The following RNF150 variants were observed in gnomAD, a reference collection of about 807,000 sequenced individuals.
The protein encoded by RNF150 is ring finger protein 150.
A neutral mutation model predicts 39.3 loss-of-function variants in RNF150; 24 were observed. The observed-to-expected ratio is 0.61, with a 90% CI of 0.44 to 0.86. The LOEUF (loss-of-function observed/expected upper bound fraction) is 0.86, where lower values mean the gene tolerates loss of function less well. Ranked by LOEUF, RNF150 falls within the 40% of genes least tolerant of loss-of-function variation. The pLI, the probability that RNF150 is intolerant of heterozygous loss-of-function variation, is 0.00. For synonymous variants in RNF150, 255 were observed against 227.3 expected (o/e 1.12, Z -1.10); for missense variants, 502 against 587.8 (o/e 0.85, Z 1.51).
At chr4:141,192,462 T>A (rs1728126296) in intron 1 of RNF150, among the ~76,000 whole-genome samples, 2 of 152,180 alleles carry the variant, frequency 1.3e-5, no homozygotes, top group South Asian at 4.1e-4. Context: ...TATATAATGC[T>A]AATTTGTGGT....
At chr4:140,868,435 C>T (rs1165840888) in intron 6 of RNF150, 56 bp from the exon 7 acceptor site, 5 of 934,806 alleles carry the variant, frequency 5.3e-6, no homozygotes. Flanking sequence ...TTGCATGCTG[C>T]TTATTTCAGT....
chr4:141,116,908 G>A (rs190307200), intron 1 of RNF150, among the ~76,000 whole-genome samples: 14 of 151,976 alleles, frequency 9.2e-5, no homozygotes, highest in South Asian at 4.2e-4. Context: ...ACCAAACATC[G>A]CATGTTCTTA....
At chr4:141,069,970 T>C (rs907053611) in intron 1 of RNF150, among the ~76,000 whole-genome samples, 52 of 152,276 alleles carry the variant, frequency 3.4e-4, no homozygotes, top group African/African-American at 1.2e-3. Context: ...TTAGTCTTGC[T>C]AGCGGTCTAT....
At chr4:141,069,590 G>A (rs1452497380) in intron 1 of RNF150, among the ~76,000 whole-genome samples, 1 of 150,382 alleles carries the variant, frequency 6.6e-6, no homozygotes, top group Non-Finnish European at 1.5e-5. Context: ...GAGTTAGGGA[G>A]GATTCCCTCT....
intron 1 of RNF150, among the ~76,000 whole-genome samples, chr4:140,984,273 T>C (rs1733952453): frequency 1.3e-5 from 2 of 152,060 alleles, no homozygotes; most frequent in Admixed American, 6.6e-5. Context: ...GGATCAGAGC[T>C]CAAGCTCCAA....
chr4:140,888,893 C>A (rs1375891341), intron 6 of RNF150, among the ~76,000 whole-genome samples: 4 of 152,156 alleles, frequency 2.6e-5, no homozygotes, highest in Non-Finnish European at 5.9e-5. Context: ...AAAGTTGAAG[C>A]TATTTAGTTG....
chr4:141,205,552 C>G (rs1375270183), intron 1 of RNF150, among the ~76,000 whole-genome samples: 2 of 152,096 alleles, frequency 1.3e-5, no homozygotes, highest in African/African-American at 4.8e-5. Flanking sequence ...TGTTCCACAT[C>G]AAAGCACAAA....
intron 1 of RNF150, among the ~76,000 whole-genome samples, chr4:141,197,887 AT>A (rs1209572915): frequency 1.3e-5 from 2 of 150,976 alleles, no homozygotes; most frequent in African/African-American, 5.0e-5. Context: ...CAAAAAAAAA[AT>A]AAATAAATAA....
intron 2 of RNF150, among the ~76,000 whole-genome samples, chr4:140,966,905 G>T (rs746243492): frequency 3.9e-5 from 6 of 152,124 alleles, no homozygotes. Flanking sequence ...GAGAAAACAT[G>T]TCCGTTAATA....
At position 141,133,050 on chromosome 4, in the gene RNF150, G is replaced by A. The variant is rs1308371809; in HGVS notation, c.-242C>T. The A allele has an allele frequency of 3.0e-5, 13 of 435,552 alleles. No homozygotes were observed. The highest frequency in any genetic ancestry group is 5.3e-5 in the Non-Finnish European group (13 of 244,620). 27.0% of individuals were successfully genotyped at this position (435,552 alleles called of 1,614,324 possible). ...TTGCATTTTGCTTCTTGGGCGCCCG[G>A]GGGGCGCGGGAACAGAGGGCCCGCG... On this transcript the variant is annotated 5_prime_UTR_variant, in exon 1 of 7. Transcript: ENST00000515673.
chr4:140,964,081 G>A (rs1733143409), intron 2 of RNF150, among the ~76,000 whole-genome samples: 1 of 152,044 alleles, frequency 6.6e-6, no homozygotes, highest in African/African-American at 2.4e-5. Flanking sequence ...CCAATGAAAT[G>A]AGATAACAGA....
Position 141,133,005 on chromosome 4 carries a change from T to G in RNF150, c.-197A>C. ...AGCGGATGGCGCTGGCCCCTTCCCCTCTCAGCTGTAGCGCGGTGGTTGCAT... is the reference window on the plus strand; with the variant it reads ...AGCGGATGGCGCTGGCCCCTTCCCCGCTCAGCTGTAGCGCGGTGGTTGCAT... On this transcript the variant is annotated 5_prime_UTR_variant, in exon 1 of 7. Transcript: ENST00000515673. The G allele has an allele frequency of 1.9e-6, 1 of 522,872 alleles. No homozygotes were observed. The highest frequency in any genetic ancestry group is 3.3e-6 in the Non-Finnish European group (1 of 300,330). 32.4% of individuals were successfully genotyped at this position (522,872 alleles called of 1,614,324 possible). A position where few individuals can be genotyped will look rare whatever the true frequency, so the allele number is the denominator to read the frequency against.
At chr4:141,008,856 C>A (rs982819260) in intron 1 of RNF150, among the ~76,000 whole-genome samples, 1 of 152,062 alleles carries the variant, frequency 6.6e-6, no homozygotes, top group Non-Finnish European at 1.5e-5. Context: ...TCTCCTTCTT[C>A]TTCTTCTTCA....
chr4:141,041,917 A>G (rs9996967), intron 1 of RNF150, among the ~76,000 whole-genome samples: 118,004 of 151,786 alleles, frequency 0.78, 46,340 homozygotes, highest in Non-Finnish European at 0.82. Context: ...AGATGCTGGG[A>G]AAAATATATA....
At chr4:141,103,483 G>A (rs967795534) in intron 1 of RNF150, among the ~76,000 whole-genome samples, 1 of 152,194 alleles carries the variant, frequency 6.6e-6, no homozygotes, top group Non-Finnish European at 1.5e-5. Flanking sequence ...GAGTTATACA[G>A]AGTCATAATG....
rs942200477 is a variant in RNF150 at position 140,970,382 on chromosome 4, T to A, written c.485-2509A>T. Among the ~76,000 whole-genome samples the A allele has an allele frequency of 5.9e-5, 9 of 152,286 alleles. 1 individual carries two copies. Among genetic ancestry groups the A allele is most frequent in the Admixed American group, 3.9e-4 (6 of 15,282 alleles). ...GCTCTTGTTGTGAGGTTGACCTATC[T>A]TTTGCTGAACCTGTAACAGGCTGTT... On this transcript the variant is annotated intron_variant, in intron 1 of 6. Transcript: ENST00000515673.
chr4:141,170,881 T>C (rs1727705505), intron 1 of RNF150, among the ~76,000 whole-genome samples: 1 of 152,216 alleles, frequency 6.6e-6, no homozygotes, highest in Admixed American at 6.5e-5. Flanking sequence ...CTGTGACTAC[T>C]TCCACCTGGT....
chr4:140,885,744 A>T (rs1245825053), intron 6 of RNF150, among the ~76,000 whole-genome samples: 1 of 152,026 alleles, frequency 6.6e-6, no homozygotes. Context: ...CTGGGATTAC[A>T]GGTGCATACC....
At chr4:141,060,782 C>T (rs1002192333) in intron 1 of RNF150, among the ~76,000 whole-genome samples, 2 of 152,156 alleles carry the variant, frequency 1.3e-5, no homozygotes, top group African/African-American at 4.8e-5. Flanking sequence ...AAATGTGGCA[C>T]ATATACACCA....
Sources: gnomAD v4.1 joint callset for allele counts (sites outside exome capture counted in the v4.1 genomes callset) on GRCh38, gnomAD v4.1.1 for gene constraint, MANE v1.5 for transcripts, NCBI Gene and HGNC (gene_info 2026-07-23, HGNC 2026-07-21) for gene names.